SLC39A12: variants seen among roughly 807,000 people sequenced by gnomAD.
SLC39A12 encodes the protein zinc transporter ZIP12.
In SLC39A12, 63 loss-of-function variants were observed where a neutral mutation model predicts 71.1. That is an observed-to-expected ratio of 0.89 (90% CI 0.72 to 1.09). The LOEUF (loss-of-function observed/expected upper bound fraction) is 1.09, where lower values mean the gene tolerates loss of function less well. SLC39A12 is among the 50% of genes least tolerant of loss of function. SLC39A12 has a pLI of 0.00. For missense variants in SLC39A12, 892 were observed against 812.6 expected, an observed-to-expected ratio of 1.10 and a Z score of -1.19; for synonymous variants, 351 against 301.3, an observed-to-expected ratio of 1.16 and a Z score of -1.71.
At position 18,033,878 on chromosome 10, in the gene SLC39A12, A is replaced by T. The variant is rs538683482; in HGVS notation, c.1948-8827A>T. Among the ~76,000 whole-genome samples the T allele has an allele frequency of 4.6e-5, 7 of 152,190 alleles. No homozygotes were observed. The East Asian group carries it at 1.2e-3, about 25-fold the overall frequency. ...TTTGCTCTCATTGGTTTCAAAGAAC[A>T]TCTTTAATTCTGCCTTCATTTCGTT... On this transcript the variant is annotated intron_variant, in intron 12 of 12. Coordinates refer to ENST00000377369, the MANE Select transcript of SLC39A12 (RefSeq NM_001145195.2).
chr10:18,035,831 G>A (rs1464134695), intron 12 of SLC39A12, among the ~76,000 whole-genome samples: 6 of 152,328 alleles, frequency 3.9e-5, no homozygotes, highest in Middle Eastern at 3.4e-3. Flanking sequence ...TTTTCGGTGT[G>A]GATGTCCTTT....
chr10:18,038,575 G>A (rs1055910737), intron 12 of SLC39A12, among the ~76,000 whole-genome samples: 1 of 152,040 alleles, frequency 6.6e-6, no homozygotes, highest in African/African-American at 2.4e-5. Flanking sequence ...GCTTGAACCT[G>A]GGAGGTGGGG....
At chr10:18,030,054 A>G (rs1836792704) in intron 12 of SLC39A12, among the ~76,000 whole-genome samples, 1 of 150,650 alleles carries the variant, frequency 6.6e-6, no homozygotes, top group South Asian at 2.1e-4. Flanking sequence ...TTCATCCATA[A>G]TCATACTAAA....
intron 12 of SLC39A12, among the ~76,000 whole-genome samples, chr10:18,003,580 G>A (rs1393657734): frequency 6.6e-6 from 1 of 152,192 alleles, no homozygotes. Flanking sequence ...GTGTTAAAGT[G>A]ACAGGTGTGT....
At chr10:18,041,721 A>G (rs1303436013) in intron 12 of SLC39A12, among the ~76,000 whole-genome samples, 2 of 118,576 alleles carry the variant, frequency 1.7e-5, no homozygotes, top group African/African-American at 3.4e-5. Context: ...ATACATATGT[A>G]TATATGTGTA....
chr10:18,012,106 T>C (rs529043910), intron 12 of SLC39A12, among the ~76,000 whole-genome samples: 1 of 152,302 alleles, frequency 6.6e-6, no homozygotes, highest in Non-Finnish European at 1.5e-5. Context: ...AACCGCCTGA[T>C]TTCAGGAGAT....
intron 12 of SLC39A12, among the ~76,000 whole-genome samples, chr10:18,041,872 T>C (rs79392059): frequency 0.016 from 2,308 of 145,864 alleles, 29 homozygotes; most frequent in Non-Finnish European, 0.023. Flanking sequence ...CATATGTATA[T>C]GTATATATAT....
chr10:18,018,550 A>G (rs1288545072), intron 12 of SLC39A12, among the ~76,000 whole-genome samples: 1 of 152,124 alleles, frequency 6.6e-6, no homozygotes, highest in Non-Finnish European at 1.5e-5. Context: ...TGAGGAAATT[A>G]CCTTAATTCC....
intron 5 of SLC39A12, among the ~76,000 whole-genome samples, chr10:17,978,703 A>G (rs1462443218): frequency 2.0e-5 from 3 of 152,226 alleles, no homozygotes; most frequent in Admixed American, 6.5e-5. Flanking sequence ...TAAGAATGCC[A>G]ATAATCATTT....
In SLC39A12 at chr10:17,987,641, T is replaced by C. The variant is rs756956298; in HGVS notation, c.1259T>C (p.Leu420Pro). Residue 420 changes from leucine to proline, a missense_variant, in exon 7 of 13, where the codon CTT (leucine) becomes CCT (proline). Coordinates refer to ENST00000377369, the MANE Select transcript of SLC39A12 (RefSeq NM_001145195.2). ...GTLSGDALLH[L>P]IPQVLGLHKQ... Reference sequence around the variant, plus strand: ...CTGTCTGGGGACGCTCTGCTCCACCTTATCCCTCAGGTAATCTGGTCTTTT... The same window carrying C: ...CTGTCTGGGGACGCTCTGCTCCACCCTATCCCTCAGGTAATCTGGTCTTTT... The C allele has an allele frequency of 1.2e-6, 2 of 1,614,038 alleles. No individual in the cohort carries two copies. The highest frequency in any genetic ancestry group is 2.7e-5 in the African/African-American group (2 of 74,940).
Position 18,042,659 on chromosome 10 carries a change from G to A in SLC39A12, c.1948-46G>A, listed in dbSNP as rs1381626142. ...TTTTCCCACCAAGCTTTTCCCAGCA[G>A]TTGAATATATCTGGATCTTATTCTG... On this transcript the variant is annotated intron_variant, in intron 12 of 12. Coordinates refer to ENST00000377369, the MANE Select transcript of SLC39A12 (RefSeq NM_001145195.2). The A allele has an allele frequency of 1.9e-6, 3 of 1,558,562 alleles. No individual in the cohort carries two copies. The Admixed American group carries it at 6.0e-5, about 31-fold the overall frequency.
intron 12 of SLC39A12, among the ~76,000 whole-genome samples, chr10:18,040,020 T>C (rs1354802925): frequency 6.6e-6 from 1 of 152,216 alleles, no homozygotes; most frequent in East Asian, 1.9e-4. Context: ...TTGTTAACTA[T>C]ATGAGAAACT....
intron 12 of SLC39A12, among the ~76,000 whole-genome samples, chr10:18,024,488 T>TC (rs1198939783): frequency 6.6e-6 from 1 of 152,102 alleles, no homozygotes; most frequent in Non-Finnish European, 1.5e-5. Context: ...TCCACTTCCG[T>TC]CCCTAGTGGG....
At chr10:17,965,997 A>G (rs1008609350) in intron 4 of SLC39A12, among the ~76,000 whole-genome samples, 4 of 152,382 alleles carry the variant, frequency 2.6e-5, no homozygotes, top group African/African-American at 7.2e-5. Context: ...TATTTGGGAC[A>G]TAATGCTGGG....
At chr10:17,959,231 C>A (rs556425645) in intron 2 of SLC39A12, among the ~76,000 whole-genome samples, 1 of 151,960 alleles carries the variant, frequency 6.6e-6, no homozygotes, top group African/African-American at 2.4e-5. Flanking sequence ...GACTTTTCTT[C>A]TGGGCTACTT....
chr10:18,009,482 T>C (rs1836138528), intron 12 of SLC39A12, among the ~76,000 whole-genome samples: 5 of 152,174 alleles, frequency 3.3e-5, no homozygotes. Context: ...TCCCTCACCA[T>C]ATAGGGTTCT....
chr10:17,981,031 G>A (rs529905311), intron 5 of SLC39A12, among the ~76,000 whole-genome samples: 1 of 152,166 alleles, frequency 6.6e-6, no homozygotes, highest in East Asian at 1.9e-4. Context: ...TCAACACATT[G>A]TAAAACACAA....
rs1362210540 is a variant in SLC39A12 at position 17,978,079 on chromosome 10, T to A, written c.924+5T>A. 3 of 1,550,332 alleles carry A rather than the reference T, an allele frequency of 1.9e-6. No individual in the cohort carries two copies. Among genetic ancestry groups the A allele is most frequent in the African/African-American group, 2.8e-5 (2 of 71,516 alleles). On this transcript the variant is annotated splice_donor_5th_base_variant and intron_variant, in intron 5 of 12. Transcript: ENST00000377369. The stretch of plus-strand genomic sequence containing the variant: ...GGTCCAGTTTCCTGGGATCAGGTAT[T>A]GCCATTGTTTCTCTTATTCAAGCAT...
chr10:18,036,190 AGG>A (rs1564665427), intron 12 of SLC39A12, among the ~76,000 whole-genome samples: 1 of 152,206 alleles, frequency 6.6e-6, no homozygotes, highest in East Asian at 1.9e-4. Context: ...TTCCAGCTTC[AGG>A]GCTGCTTTGT....
Sources: gnomAD v4.1 joint callset for allele counts (sites outside exome capture counted in the v4.1 genomes callset) on GRCh38, gnomAD v4.1.1 for gene constraint, MANE v1.5 for transcripts, NCBI Gene and HGNC (gene_info 2026-07-23, HGNC 2026-07-21) for gene names.